The following LRRC7 variants were observed in gnomAD, a reference collection of about 807,000 sequenced individuals.
The protein encoded by LRRC7 is leucine-rich repeat-containing protein 7.
LRRC7 carries 23 observed loss-of-function variants against 175.7 expected under a neutral mutation model. That is an observed-to-expected ratio of 0.13 (90% CI 0.09 to 0.19). The LOEUF (loss-of-function observed/expected upper bound fraction) is 0.19. Among genes scored for constraint, LRRC7 ranks in the 10% least tolerant of loss-of-function variants. LRRC7 has a pLI of 1.00. For synonymous variants in LRRC7, 685 were observed against 680.9 expected, an observed-to-expected ratio of 1.01 and a Z score of -0.09; for missense variants, 1,354 against 1,904.7, an observed-to-expected ratio of 0.71 and a Z score of 5.38.
At chr1:69,653,857 C>T (rs756975349) in intron 1 of LRRC7, among the ~76,000 whole-genome samples, 4 of 151,962 alleles carry the variant, frequency 2.6e-5, no homozygotes, top group Non-Finnish European at 4.4e-5. Context: ...ATAAGCTAAT[C>T]GCAGAAGGAC....
At chr1:69,840,700 A>T (rs1022786207) in intron 7 of LRRC7, among the ~76,000 whole-genome samples, 1 of 152,092 alleles carries the variant, frequency 6.6e-6, no homozygotes, top group Non-Finnish European at 1.5e-5. Flanking sequence ...GTTTATGATC[A>T]TTCCTCTACA....
chr1:69,640,149 T>C (rs2100424275), intron 1 of LRRC7, among the ~76,000 whole-genome samples: 1 of 151,920 alleles, frequency 6.6e-6, no homozygotes, highest in Non-Finnish European at 1.5e-5. Flanking sequence ...AAAAACATTC[T>C]AGCATTTTAC....
intron 1 of LRRC7, among the ~76,000 whole-genome samples, chr1:69,650,567 T>C (rs1045302744): frequency 8.4e-6 from 1 of 118,716 alleles, no homozygotes; most frequent in Non-Finnish European, 1.8e-5. Flanking sequence ...CCAAGCATCT[T>C]TGGCATTTGT....
At chr1:69,931,448 C>A in intron 7 of LRRC7, 59 bp from the exon 8 acceptor site, 9 of 1,386,388 alleles carry the variant, frequency 6.5e-6, no homozygotes, top group Non-Finnish European at 9.2e-6. Flanking sequence ...GTTGGAATGT[C>A]TTTTAGAGCA....
At chr1:69,756,425 T>G (rs1009148681) in intron 2 of LRRC7, among the ~76,000 whole-genome samples, 1 of 151,716 alleles carries the variant, frequency 6.6e-6, no homozygotes, top group Non-Finnish European at 1.5e-5. Flanking sequence ...AAAGGGCTCA[T>G]CAAGTGCCTA....
chr1:69,961,828 A>G (rs1651119944), intron 8 of LRRC7, among the ~76,000 whole-genome samples: 1 of 152,192 alleles, frequency 6.6e-6, no homozygotes, highest in Admixed American at 6.5e-5. Context: ...ATATACAAAA[A>G]TCAACTCAAG....
At chr1:69,945,553 G>A (rs1466328940) in intron 8 of LRRC7, among the ~76,000 whole-genome samples, 1 of 152,020 alleles carries the variant, frequency 6.6e-6, no homozygotes, top group Non-Finnish European at 1.5e-5. Flanking sequence ...GTTAGAATTT[G>A]TATGGGGATT....
chr1:69,700,991 T>A (rs1417247596), intron 2 of LRRC7, among the ~76,000 whole-genome samples: 1 of 152,184 alleles, frequency 6.6e-6, no homozygotes, highest in Admixed American at 6.5e-5. Flanking sequence ...ACTTCCTCAC[T>A]GTTGTTAACC....
intron 3 of LRRC7, among the ~76,000 whole-genome samples, chr1:69,780,981 A>C (rs766106020): frequency 2.6e-4 from 39 of 152,198 alleles, no homozygotes; most frequent in Non-Finnish European, 4.1e-4. Context: ...GTGAAAAACT[A>C]TCCAGCTAAT....
chr1:69,866,484 A>C (rs932331191), intron 7 of LRRC7, among the ~76,000 whole-genome samples: 13 of 152,172 alleles, frequency 8.5e-5, no homozygotes, highest in African/African-American at 2.7e-4. Flanking sequence ...GGAAGTTAGA[A>C]TCTGATGGCA....
Position 70,076,247 on chromosome 1 carries a change from G to A in LRRC7, c.4401G>A (p.Arg1467=). The A allele has an allele frequency of 6.2e-7, 1 of 1,614,086 alleles. No homozygotes were observed. The highest frequency in any genetic ancestry group is 8.5e-7 in the Non-Finnish European group (1 of 1,179,992). ...CCACCCGGGGACCTCAGCCTGGACG[G>A]TGCTTAATTCAAACTAAAGGGCAAA... ...SQATRGPQPG[R]CLIQTKGQRS... is the part of the protein sequence containing the mutation. Residue 1467 remains arginine (R), a synonymous_variant, in exon 24 of 27, where the codon CGG becomes CGA. Coordinates refer to ENST00000651989, the MANE Select transcript of LRRC7 (RefSeq NM_001370785.2).
intron 1 of LRRC7, among the ~76,000 whole-genome samples, chr1:69,644,194 A>G (rs188917982): frequency 1.3e-5 from 2 of 152,072 alleles, no homozygotes; most frequent in South Asian, 2.1e-4. Context: ...AGTGATATTC[A>G]TATCTTCTGT....
At chr1:69,631,678 G>A (rs886454748) in intron 1 of LRRC7, among the ~76,000 whole-genome samples, 5 of 152,102 alleles carry the variant, frequency 3.3e-5, no homozygotes, top group Admixed American at 3.3e-4. Context: ...AGGTGGGCTG[G>A]TGTGAGATAA....
chr1:69,820,164 T>G (rs1679110505), intron 4 of LRRC7, among the ~76,000 whole-genome samples: 1 of 152,068 alleles, frequency 6.6e-6, no homozygotes, highest in Non-Finnish European at 1.5e-5. Flanking sequence ...TGTTTTAAAT[T>G]ATTTATTTTT....
intron 23 of LRRC7, among the ~76,000 whole-genome samples, chr1:70,061,223 A>G (rs1246286254): frequency 1.3e-5 from 2 of 152,126 alleles, no homozygotes; most frequent in African/African-American, 4.8e-5. Flanking sequence ...CTGGTAGACT[A>G]GGCAGTCCCT....
intron 8 of LRRC7, among the ~76,000 whole-genome samples, chr1:69,966,292 C>T (rs886867909): frequency 6.6e-6 from 1 of 152,064 alleles, no homozygotes; most frequent in Non-Finnish European, 1.5e-5. Context: ...CTGTTGCCTT[C>T]CAGTTGTATA....
intron 7 of LRRC7, among the ~76,000 whole-genome samples, chr1:69,914,926 A>T (rs566272159): frequency 6.6e-6 from 1 of 152,316 alleles, no homozygotes; most frequent in South Asian, 2.1e-4. Context: ...CTGGCATAGA[A>T]TATAGTGAAC....
chr1:69,841,726 A>G (rs1681753439), intron 7 of LRRC7, among the ~76,000 whole-genome samples: 1 of 152,068 alleles, frequency 6.6e-6, no homozygotes, highest in East Asian at 1.9e-4. Flanking sequence ...ATTATTTCCA[A>G]TTGGTCACTG....
intron 21 of LRRC7, among the ~76,000 whole-genome samples, chr1:70,043,241 A>C (rs1471798205): frequency 6.6e-6 from 1 of 152,176 alleles, no homozygotes; most frequent in Non-Finnish European, 1.5e-5. Context: ...AGCATTAATA[A>C]ATCAATAAAT....
Sources: gnomAD v4.1 joint callset for allele counts (sites outside exome capture counted in the v4.1 genomes callset) on GRCh38, gnomAD v4.1.1 for gene constraint, MANE v1.5 for transcripts, NCBI Gene and HGNC (gene_info 2026-07-23, HGNC 2026-07-21) for gene names.